PPM1F: variants seen among roughly 807,000 people sequenced by gnomAD.
PPM1F encodes the protein protein phosphatase 1F.
A neutral mutation model predicts 35.5 loss-of-function variants in PPM1F; 17 were observed. That is an observed-to-expected ratio of 0.48 (90% CI 0.33 to 0.72). The LOEUF is 0.72. Ranked by LOEUF, PPM1F falls within the 30% of genes least tolerant of loss-of-function variation. PPM1F has a pLI of 0.02. For missense variants in PPM1F, 521 were observed against 613.0 expected (o/e 0.85, Z 1.59); for synonymous variants, 241 against 255.5 (o/e 0.94, Z 0.54).
At chr22:21,929,015 C>T (rs2070555198) in intron 6 of PPM1F, among the ~76,000 whole-genome samples, 1 of 152,222 alleles carries the variant, frequency 6.6e-6, no homozygotes, top group South Asian at 2.1e-4. Flanking sequence ...GTTCAGACAG[C>T]CGCAGAACAA....
chr22:21,945,512 C>T (rs1349174619), intron 2 of PPM1F: 5 of 316,946 alleles, frequency 1.6e-5, no homozygotes, highest in Non-Finnish European at 3.0e-5. Context: ...AATGAGTCTA[C>T]AAGCCAAGGA....
intron 3 of PPM1F, chr22:21,938,047 A>G (rs2070679976): frequency 8.2e-7 from 1 of 1,218,568 alleles, no homozygotes; most frequent in African/African-American, 1.6e-5. Context: ...AGCATGATCA[A>G]GGCCGCTAGG....
At chr22:21,941,046 T>C (rs911712106) in intron 2 of PPM1F, 3 of 152,214 alleles carry the variant, frequency 2.0e-5, no homozygotes, top group Non-Finnish European at 4.4e-5. Flanking sequence ...CTACAGGCAG[T>C]AGTTAGGGCT....
In PPM1F at chr22:21,920,419, C is replaced by T. The variant is rs2070433963; in HGVS notation, c.*2673G>A. 1 of 152,730 alleles carries T rather than the reference C, an allele frequency of 6.5e-6. No homozygotes were observed. The highest frequency in any genetic ancestry group is 1.5e-5 in the Non-Finnish European group (1 of 68,154). 9.5% of individuals were successfully genotyped at this position (152,730 alleles called of 1,614,324 possible). ...TCCCTGGCTAGGGGCCCTCATGGGA[C>T]TGTGGCTGGAAGAGAAGGTCGCCCC... On this transcript the variant is annotated 3_prime_UTR_variant, in exon 8 of 8. Transcript: ENST00000263212.
chr22:21,931,980 T>A (rs112458990), intron 5 of PPM1F, among the ~76,000 whole-genome samples: 1 of 148,702 alleles, frequency 6.7e-6, no homozygotes, highest in East Asian at 2.0e-4. Flanking sequence ...ACCTGGCTAA[T>A]TTTTTTTTTT....
Position 21,923,371 on chromosome 22 carries a change from G to C in PPM1F, c.1086C>G (p.Phe362Leu). The C allele has an allele frequency of 1.9e-6, 3 of 1,613,910 alleles. No individual in the cohort carries two copies. Among genetic ancestry groups the C allele is most frequent in the Non-Finnish European group, 1.7e-6 (2 of 1,180,006 alleles). ...EDYLLLACDGFFDVVPHQEVV... is the reference protein window; with the variant it reads ...EDYLLLACDGLFDVVPHQEVV... Reference sequence around the variant, plus strand: ...CTTCCTGGTGGGGTACGACGTCAAAGAAGCCATCACAGGCAAGCAGCAGGT... The same window carrying C: ...CTTCCTGGTGGGGTACGACGTCAAACAAGCCATCACAGGCAAGCAGCAGGT... The change falls in exon 8 of 8, where the codon TTC becomes TTG. Residue 362 changes from phenylalanine (F) to leucine (L), a missense_variant. This residue lies in a region of PPM1F where 163 missense variants were observed against 169.6 expected (regional missense o/e 0.96). Transcript: ENST00000263212.
At position 21,939,900 on chromosome 22, in the gene PPM1F, G is replaced by A. The variant is rs2070706430; in HGVS notation, c.207-220C>T. ...CTTGAGCCTGCGGCTAGTTGGGAGG[G>A]GGCTGTTGATGGGCAAGTAAACTGC... On this transcript the variant is annotated intron_variant, in intron 2 of 7. Transcript: ENST00000263212. The surrounding 1 kb of genome is among the most constrained non-coding windows in gnomAD (Gnocchi z 5.1). Among the ~76,000 whole-genome samples, 1 of 152,212 alleles carries A rather than the reference G, an allele frequency of 6.6e-6. No homozygotes were observed. Among genetic ancestry groups the A allele is most frequent in the South Asian group, 2.1e-4 (1 of 4,832 alleles).
Position 21,939,387 on chromosome 22 carries a change from C to T in PPM1F, c.355+145G>A. ...CCTCCACCTCACTGGGGCCGCAAGC[C>T]TTCTCTGCTCCTTGATTCTGCTGCC... On this transcript the variant is annotated intron_variant, in intron 3 of 7. Coordinates refer to ENST00000263212, the MANE Select transcript of PPM1F (RefSeq NM_014634.4). This position sits in a 1 kb window ranked among gnomAD's most constrained non-coding sequence, Gnocchi z 5.1. The T allele has an allele frequency of 9.0e-7, 1 of 1,111,926 alleles. No individual in the cohort carries two copies. Among genetic ancestry groups the T allele is most frequent in the South Asian group, 1.6e-5 (1 of 62,570 alleles). The allele number at this position is 1,111,926 out of a possible 1,614,324, so 68.9% of individuals were successfully genotyped here.
chr22:21,933,160 G>A (rs755560382), intron 5 of PPM1F, among the ~76,000 whole-genome samples: 40 of 152,232 alleles, frequency 2.6e-4, no homozygotes, highest in Admixed American at 5.2e-4. Flanking sequence ...GACCCTCTGC[G>A]CCAGGCAGGT....
rs2070441866 is a variant in PPM1F, at chr22:21,921,043, A to G, written c.*2049T>C. ...ATGTTTAAGGTTTTTTTTTGTAAAT[A>G]AGAGACCTTAAGCAATGCATTGACT... On this transcript the variant is annotated 3_prime_UTR_variant, in exon 8 of 8. Coordinates refer to ENST00000263212, the MANE Select transcript of PPM1F (RefSeq NM_014634.4). 6.6e-6 allele frequency: 1 copy of G among 152,494 alleles called. No individual in the cohort carries two copies. The highest frequency in any genetic ancestry group is 6.5e-5 in the Admixed American group (1 of 15,304). 9.4% of individuals were successfully genotyped at this position (152,494 alleles called of 1,614,324 possible).
intron 7 of PPM1F, among the ~76,000 whole-genome samples, chr22:21,923,948 A>T (rs1410047274): frequency 4.7e-5 from 7 of 149,794 alleles, no homozygotes; most frequent in Admixed American, 2.0e-4. Context: ...TCAGCCTCCC[A>T]AAGTGCTGGG....
At chr22:21,925,834 CAGTG>C in intron 6 of PPM1F, 172 bp from the exon 7 acceptor site, 2 of 512,862 alleles carry the variant, frequency 3.9e-6, no homozygotes, top group Non-Finnish European at 6.9e-6. Flanking sequence ...TCATCAAAAA[CAGTG>C]AGAAATTATA....
At chr22:21,925,458 C>T in intron 7 of PPM1F, 111 bp downstream of exon 7, 1 of 840,524 alleles carries the variant, frequency 1.2e-6, no homozygotes, top group Non-Finnish European at 2.0e-6. Context: ...GACAAATCCC[C>T]CTCGGCCCAT....
intron 5 of PPM1F, among the ~76,000 whole-genome samples, chr22:21,931,684 TTG>T (rs1361277096): frequency 6.6e-6 from 1 of 151,934 alleles, no homozygotes; most frequent in Non-Finnish European, 1.5e-5. Context: ...GGCTAATTTT[TTG>T]TGTTTTTAGT....
At chr22:21,926,079 C>G (rs997893343) in intron 6 of PPM1F, 29 of 174,150 alleles carry the variant, frequency 1.7e-4, no homozygotes, top group Non-Finnish European at 4.8e-5. Context: ...TGAGTGGTCA[C>G]ACAGCAGGGA....
rs60216371 is a variant in PPM1F, at chr22:21,927,942, G to GT, written c.892-2281dup. Among the ~76,000 whole-genome samples the GT allele has an allele frequency of 3.3e-3, 248 of 75,138 alleles. 17 individuals carry two copies. Among genetic ancestry groups the GT allele is most frequent in the African/African-American group, 9.6e-3 (174 of 18,150 alleles). The allele number at this position is 75,138 out of a possible 152,430, so 49.3% of individuals were successfully genotyped here. On this transcript the variant is annotated intron_variant, in intron 6 of 7. Transcript: ENST00000263212. Reference sequence around the variant, plus strand: ...GATTCTTGATTCTGTTTTTTGTTTTGTTTTTTTTTTTTTTTTTTTTTTTTT... The same window carrying GT: ...GATTCTTGATTCTGTTTTTTGTTTTGTTTTTTTTTTTTTTTTTTTTTTTTTT...
intron 6 of PPM1F, chr22:21,925,892 G>A (rs2070508291): frequency 1.3e-5 from 6 of 451,236 alleles, no homozygotes; most frequent in Non-Finnish European, 2.4e-5. Flanking sequence ...TGAAATGAAC[G>A]GACCACCTGA....
intron 4 of PPM1F, 29 bp from the exon 5 acceptor site, chr22:21,933,608 C>A (rs375813983): frequency 6.7e-5 from 106 of 1,588,294 alleles, no homozygotes; most frequent in Non-Finnish European, 9.0e-5. Context: ...GAGTCACAGA[C>A]CCGCGGGACC....
intron 7 of PPM1F, among the ~76,000 whole-genome samples, chr22:21,923,826 C>T (rs934109180): frequency 8.6e-5 from 13 of 151,654 alleles, no homozygotes; most frequent in South Asian, 2.1e-4. Flanking sequence ...TACAGGCTCG[C>T]GCCACCATGC....
Sources: allele counts gnomAD v4.1 joint callset (sites outside exome capture counted in the v4.1 genomes callset), GRCh38; gene constraint gnomAD v4.1.1; regional missense constraint gnomAD v4.1.1; non-coding constraint Gnocchi (gnomAD v3.1); transcripts MANE v1.5; gene names NCBI Gene and HGNC (gene_info 2026-07-23, HGNC 2026-07-21).